DDHD2: variants seen among roughly 807,000 people sequenced by gnomAD.
DDHD2 encodes the protein DDHD domain containing 2, also known as triacylglycerol hydrolase DDHD2.
A neutral mutation model predicts 91.2 loss-of-function variants in DDHD2; 62 were observed. The ratio of observed to expected loss-of-function variants is 0.68; its 90% CI spans 0.55 to 0.84. The LOEUF is 0.84. Ranked by LOEUF, DDHD2 falls within the 40% of genes least tolerant of loss-of-function variation. DDHD2 has a pLI of 0.00. For missense variants in DDHD2, 740 were observed against 846.9 expected, an observed-to-expected ratio of 0.87 and a Z score of 1.57; for synonymous variants, 271 against 293.9, an observed-to-expected ratio of 0.92 and a Z score of 0.80.
At chr8:38,267,846 G>T in intron 1 of DDHD2, 2 of 1,553,620 alleles carry the variant, frequency 1.3e-6, no homozygotes, top group South Asian at 1.1e-5. Context: ...TCTCTGTTCT[G>T]GTGGGTAAGG....
intron 5 of DDHD2, chr8:38,238,954 C>T (rs1311434890): frequency 6.8e-6 from 1 of 147,834 alleles, no homozygotes; most frequent in Non-Finnish European, 1.5e-5. Flanking sequence ...TGTGTGTGTA[C>T]ACACACAGAG....
At chr8:38,273,481 G>A (rs1188884593), downstream of DDHD2, 1 of 152,040 alleles carries the variant, frequency 6.6e-6, no homozygotes, top group Non-Finnish European at 1.5e-5. Flanking sequence ...GCTTACCATA[G>A]AAAAGTCTTT....
At chr8:38,251,810 A>G in intron 11 of DDHD2, 102 bp from the exon 12 acceptor site, 1 of 765,118 alleles carries the variant, frequency 1.3e-6, no homozygotes, top group South Asian at 1.7e-5. Flanking sequence ...TTGGGCTTAA[A>G]CAATCCTACC....
chr8:38,269,274 C>T, intron 1 of DDHD2: 6 of 1,319,890 alleles, frequency 4.5e-6, no homozygotes, highest in Non-Finnish European at 5.9e-6. Context: ...GAACTGGGCA[C>T]CGCCCCCTCT....
At chr8:38,244,606 C>A (rs932387053) in intron 7 of DDHD2, among the ~76,000 whole-genome samples, 46 of 150,334 alleles carry the variant, frequency 3.1e-4, no homozygotes, top group Non-Finnish European at 2.4e-4. Flanking sequence ...TGCACTGTTG[C>A]CTGGGCTGGA....
At chr8:38,264,276 T>C (rs966229568), downstream of DDHD2, 5 of 717,024 alleles carry the variant, frequency 7.0e-6, no homozygotes, top group Non-Finnish European at 7.9e-6. Context: ...GCCTCCCAGG[T>C]AGCTGGGATT....
intron 1 of DDHD2, chr8:38,269,035 CCCCGCTTCCCCACTGCCCGA>C (rs1431883498): frequency 1.7e-5 from 26 of 1,533,134 alleles, no homozygotes; most frequent in Non-Finnish European, 2.2e-5. Flanking sequence ...CTGGCTTCCT[CCCCGCTTCCCCACTGCCCGA>C]CCCGCCGCCC....
At chr8:38,251,153 T>G (rs1297232714) in intron 11 of DDHD2, 1 of 152,234 alleles carries the variant, frequency 6.6e-6, no homozygotes, top group Non-Finnish European at 1.5e-5. Context: ...TTCAAGTGAT[T>G]CTCCTGCTTC....
chr8:38,236,246 T>C (rs1276416701), intron 3 of DDHD2, among the ~76,000 whole-genome samples: 1 of 152,082 alleles, frequency 6.6e-6, no homozygotes, highest in African/African-American at 2.4e-5. Flanking sequence ...GCTCCTGACC[T>C]CGTGATCCGC....
chr8:38,255,150 C>T (rs1055078694), intron 16 of DDHD2, among the ~76,000 whole-genome samples: 2 of 140,784 alleles, frequency 1.4e-5, no homozygotes, highest in Non-Finnish European at 1.5e-5. Flanking sequence ...AGCGAGATCA[C>T]GGCCACCGCA....
intron 4 of DDHD2, 50 bp from the exon 5 acceptor site, chr8:38,238,039 G>C (rs1367390008): frequency 6.6e-7 from 1 of 1,526,520 alleles, no homozygotes; most frequent in East Asian, 2.3e-5. Context: ...ATTGTATAGA[G>C]ATGATTGTAT....
intron 7 of DDHD2, 145 bp downstream of exon 7, chr8:38,242,530 G>C (rs1047018194): frequency 2.4e-6 from 2 of 847,956 alleles, no homozygotes; most frequent in Non-Finnish European, 3.6e-6. Flanking sequence ...CAGTCCCTTG[G>C]TTTAATTAGC....
chr8:38,234,872 A>T (rs1434308153), intron 3 of DDHD2, among the ~76,000 whole-genome samples: 1 of 151,006 alleles, frequency 6.6e-6, no homozygotes, highest in East Asian at 1.9e-4. Context: ...GGTTCAAGTG[A>T]TTCTCATGCC....
At chr8:38,264,429 G>A (rs374989257), downstream of DDHD2, 43 of 1,535,290 alleles carry the variant, frequency 2.8e-5, no homozygotes, top group East Asian at 3.7e-4. Flanking sequence ...CACCACGCCC[G>A]GCCAGATTCA....
chr8:38,264,224 T>G, downstream of DDHD2: 1 of 876,002 alleles, frequency 1.1e-6, no homozygotes, highest in Non-Finnish European at 1.5e-6. Flanking sequence ...CTCGGCTCAC[T>G]GGAACCTCCA....
rs771892795 is a variant in DDHD2 at position 38,245,908 on chromosome 8, C to T, written c.1015C>T (p.Pro339Ser). 1 of 1,613,940 alleles carries T rather than the reference C, an allele frequency of 6.2e-7. No individual in the cohort carries two copies. Among genetic ancestry groups the T allele is most frequent in the East Asian group, 2.2e-5 (1 of 44,872 alleles). ...ATACACACTTTTTCTACAGAGGAACCCTGATTTCAAAGGGGGTGTATCCAT... is the reference window on the plus strand; with the variant it reads ...ATACACACTTTTTCTACAGAGGAACTCTGATTTCAAAGGGGGTGTATCCAT... The part of the protein sequence containing the change: ...RIYTLFLQRN[P>S]DFKGGVSIAG... Residue 339 changes from proline (P) to serine (S), a missense_variant, in exon 8 of 18, where the codon CCT (proline) becomes TCT (serine). Transcript: ENST00000397166.
intron 16 of DDHD2, chr8:38,255,340 A>G (rs1485054781): frequency 9.8e-6 from 5 of 510,336 alleles, no homozygotes; most frequent in Non-Finnish European, 1.6e-5. Flanking sequence ...GTAAGGGGCT[A>G]AAATAATGCT....
intron 16 of DDHD2, among the ~76,000 whole-genome samples, chr8:38,259,609 C>T (rs1806816802): frequency 6.6e-6 from 1 of 152,048 alleles, no homozygotes; most frequent in Non-Finnish European, 1.5e-5. Flanking sequence ...TGGTCTCAAA[C>T]TCCTGACCTT....
At chr8:38,269,351 T>C in intron 1 of DDHD2, 1 of 787,424 alleles carries the variant, frequency 1.3e-6, no homozygotes, top group Admixed American at 4.2e-5. Context: ...GGGCATCGTC[T>C]GGCAAAGGGT....
Sources: gnomAD v4.1 joint callset for allele counts (sites outside exome capture counted in the v4.1 genomes callset) on GRCh38, gnomAD v4.1.1 for gene constraint, MANE v1.5 for transcripts, NCBI Gene and HGNC (gene_info 2026-07-23, HGNC 2026-07-21) for gene names.